HIBCH: variants seen among roughly 807,000 people sequenced by gnomAD.
The protein encoded by HIBCH is 3-hydroxyisobutyryl-CoA hydrolase.
In HIBCH, 50 loss-of-function variants were observed where a neutral mutation model predicts 58.2. The observed-to-expected ratio is 0.86, with a 90% CI of 0.68 to 1.09. HIBCH has a LOEUF of 1.09. HIBCH is among the 50% of genes least tolerant of loss of function. The pLI, the probability that HIBCH is intolerant of heterozygous loss-of-function variation, is 0.00. For missense variants in HIBCH, 450 were observed against 449.7 expected (o/e 1.00, Z -0.01); for synonymous variants, 151 against 146.9 (o/e 1.03, Z -0.20).
In HIBCH at chr2:190,215,805, G is replaced by C. The variant is rs1559014448; in HGVS notation, c.892-2730C>G. 1 of 152,508 alleles carries C rather than the reference G, an allele frequency of 6.6e-6. No homozygotes were observed. Among genetic ancestry groups the C allele is most frequent in the Non-Finnish European group, 1.5e-5 (1 of 68,296 alleles). The allele number at this position is 152,508 out of a possible 1,614,324, so 9.4% of individuals were successfully genotyped here. ...GCAAGGGAAAGCCTGGTGCACAGCT[G>C]TGTGTGTGGGAGCCACTGGACTAAG... On this transcript the variant is annotated intron_variant, in intron 11 of 13. Coordinates refer to ENST00000359678, the MANE Select transcript of HIBCH (RefSeq NM_014362.4). This position sits in a 1 kb window ranked among gnomAD's most constrained non-coding sequence, Gnocchi z 4.4.
intron 11 of HIBCH, among the ~76,000 whole-genome samples, chr2:190,227,677 G>C (rs549018669): frequency 7.1e-4 from 108 of 152,134 alleles, no homozygotes; most frequent in Non-Finnish European, 1.3e-3. Context: ...CTAATATCCA[G>C]AATCTACAAA....
At position 190,236,498 on chromosome 2, in the gene HIBCH, C is replaced by T. The variant is rs1171185807; in HGVS notation, c.891+8389G>A. 4.6e-5 allele frequency among the ~76,000 whole-genome samples: 7 copies of T among 152,002 alleles called. No homozygotes were observed. Among genetic ancestry groups the T allele is most frequent in the Non-Finnish European group, 5.9e-5 (4 of 67,986 alleles). The stretch of plus-strand genomic sequence containing the variant: ...CTATAAATCATTTCCAGAAGTGTTC[C>T]GACTGACAATAAACCAATACAAATA... On this transcript the variant is annotated intron_variant, in intron 11 of 13. Transcript: ENST00000359678. The surrounding 1 kb of genome is among the most constrained non-coding windows in gnomAD (Gnocchi z 4.1).
At chr2:190,198,716 G>T (rs541913249) in intron 1 of HIBCH, among the ~76,000 whole-genome samples, 3 of 126,086 alleles carry the variant, frequency 2.4e-5, no homozygotes, top group South Asian at 5.0e-4. Context: ...CCAAAACTAA[G>T]ATACAATCAG....
intron 1 of HIBCH, among the ~76,000 whole-genome samples, chr2:190,196,652 T>C (rs1330221485): frequency 6.6e-6 from 1 of 152,188 alleles, no homozygotes; most frequent in African/African-American, 2.4e-5. Context: ...TATCTTCCTT[T>C]AAATGGTATT....
intron 1 of HIBCH, 47 bp from the exon 2 acceptor site, chr2:190,310,843 T>C (rs375019040): frequency 2.3e-6 from 3 of 1,307,408 alleles, no homozygotes; most frequent in Middle Eastern, 1.8e-4. Context: ...TGGGTAGTCA[T>C]GTCTCAGTTG....
intron 6 of HIBCH, among the ~76,000 whole-genome samples, chr2:190,275,907 T>C (rs758064529): frequency 4.6e-5 from 7 of 152,228 alleles, no homozygotes; most frequent in Non-Finnish European, 8.8e-5. Flanking sequence ...AAACTTTCCA[T>C]CCGATGAGTG....
At chr2:190,258,568 C>T (rs897766037) in intron 7 of HIBCH, among the ~76,000 whole-genome samples, 3 of 152,190 alleles carry the variant, frequency 2.0e-5, no homozygotes, top group African/African-American at 7.2e-5. Context: ...ACCTTGGGAG[C>T]CACCCCTTGC....
At chr2:190,220,364 G>A (rs988547068) in intron 11 of HIBCH, 15 of 152,144 alleles carry the variant, frequency 9.9e-5, no homozygotes, top group African/African-American at 3.4e-4. Context: ...CCAGATTCAA[G>A]GAACAGAGTA....
At chr2:190,297,367 T>C (rs1212790869) in intron 2 of HIBCH, among the ~76,000 whole-genome samples, 1 of 152,152 alleles carries the variant, frequency 6.6e-6, no homozygotes, top group Non-Finnish European at 1.5e-5. Flanking sequence ...GATACTTGAG[T>C]TGGGGCTTGA....
chr2:190,305,429 G>T (rs1390746169), intron 2 of HIBCH, among the ~76,000 whole-genome samples: 1 of 152,140 alleles, frequency 6.6e-6, no homozygotes, highest in Non-Finnish European at 1.5e-5. Context: ...GCTTGTGGCA[G>T]CATAACTCCA....
chr2:190,271,440 C>T lies in HIBCH; in HGVS notation c.439-10206G>A, dbSNP rs183939882. On this transcript the variant is annotated intron_variant, in intron 6 of 13. Coordinates refer to ENST00000359678, the MANE Select transcript of HIBCH (RefSeq NM_014362.4). ...AGGTAGCTGGGATTACAGGTGCGCA[C>T]CACTGGGCCCAGCTAATTTTTGTTA... Among the ~76,000 whole-genome samples, 950 of 151,980 alleles carry T rather than the reference C, an allele frequency of 6.3e-3. 9 individuals are homozygous for T. Among genetic ancestry groups the T allele is most frequent in the African/African-American group, 0.022 (902 of 41,430 alleles).
chr2:190,252,560 G>A (rs916545343), intron 7 of HIBCH, among the ~76,000 whole-genome samples: 8 of 152,024 alleles, frequency 5.3e-5, no homozygotes, highest in Middle Eastern at 3.2e-3. Flanking sequence ...ATGACACAAT[G>A]TTTTGTATAT....
chr2:190,223,042 G>A (rs1685768920), intron 11 of HIBCH, among the ~76,000 whole-genome samples: 1 of 152,146 alleles, frequency 6.6e-6, no homozygotes, highest in Admixed American at 6.6e-5. Flanking sequence ...AACACCACAT[G>A]TTCTCACTCA....
At chr2:190,205,879 G>T (rs1225948852) in intron 13 of HIBCH, among the ~76,000 whole-genome samples, 1 of 152,106 alleles carries the variant, frequency 6.6e-6, no homozygotes, top group Admixed American at 6.5e-5. Context: ...GAAAAAAAAG[G>T]GGGAGGAATG....
At chr2:190,280,464 G>A (rs924495862) in intron 6 of HIBCH, among the ~76,000 whole-genome samples, 1 of 152,166 alleles carries the variant, frequency 6.6e-6, no homozygotes, top group African/African-American at 2.4e-5. Context: ...GCAGCTGGCA[G>A]CAGGGAAAGG....
At chr2:190,266,210 C>T (rs946514407) in intron 6 of HIBCH, among the ~76,000 whole-genome samples, 6 of 152,036 alleles carry the variant, frequency 3.9e-5, no homozygotes, top group African/African-American at 9.7e-5. Context: ...ATGAAATGAA[C>T]GTGAATTCTG....
Position 190,258,143 on chromosome 2 carries a change from C to T in HIBCH, c.517+3013G>A, listed in dbSNP as rs538685677. On this transcript the variant is annotated intron_variant, in intron 7 of 13. Transcript: ENST00000359678. ...GTTCTCATAATAATGAGTGAGTTCT[C>T]ATGATATCTGGTTGTTTTAAAGTGT... Among the ~76,000 whole-genome samples the T allele has an allele frequency of 4.6e-5, 7 of 152,188 alleles. 1 individual carries two copies. The South Asian group carries it at 1.5e-3, about 32-fold the overall frequency.
At chr2:190,238,838 A>C (rs996475961) in intron 11 of HIBCH, among the ~76,000 whole-genome samples, 2 of 152,136 alleles carry the variant, frequency 1.3e-5, no homozygotes, top group Admixed American at 6.6e-5. Context: ...TTTCTCGTAA[A>C]TTTAAGTACC....
At chr2:190,294,668 T>C (rs749466405) in intron 3 of HIBCH, 38 bp from the exon 4 acceptor site, 1 of 1,367,260 alleles carries the variant, frequency 7.3e-7, no homozygotes, top group Non-Finnish European at 1.0e-6. Context: ...AAGCATATTA[T>C]AAACACAAAC....
Sources: allele counts gnomAD v4.1 joint callset (sites outside exome capture counted in the v4.1 genomes callset), GRCh38; gene constraint gnomAD v4.1.1; non-coding constraint Gnocchi (gnomAD v3.1); transcripts MANE v1.5; gene names NCBI Gene and HGNC (gene_info 2026-07-23, HGNC 2026-07-21).